Variants in LHFPL2 observed in about 807,000 individuals in gnomAD.
LHFPL2 encodes LHFPL tetraspan subfamily member 2.
LHFPL2 carries 7 observed loss-of-function variants against 17.5 expected under a neutral mutation model. The observed-to-expected ratio is 0.40, with a 90% CI of 0.23 to 0.75. The LOEUF (loss-of-function observed/expected upper bound fraction) is 0.75. Among genes scored for constraint, LHFPL2 ranks in the 30% least tolerant of loss-of-function variants. LHFPL2 has a pLI of 0.37. For missense variants in LHFPL2, 241 were observed against 294.8 expected (o/e 0.82, Z 1.34); for synonymous variants, 134 against 116.2 (o/e 1.15, Z -0.99).
intron 3 of LHFPL2, among the ~76,000 whole-genome samples, chr5:78,550,384 A>G (rs950184189): frequency 2.6e-5 from 4 of 152,278 alleles, no homozygotes; most frequent in African/African-American, 9.6e-5. Context: ...TCAGGCCGTT[A>G]TGAAGAGAGC....
At chr5:78,534,324 G>A (rs923263745) in intron 3 of LHFPL2, among the ~76,000 whole-genome samples, 1 of 152,180 alleles carries the variant, frequency 6.6e-6, no homozygotes, top group African/African-American at 2.4e-5. Flanking sequence ...ACGCCGAGAG[G>A]GAGAAATGGC....
intron 3 of LHFPL2, among the ~76,000 whole-genome samples, chr5:78,527,110 A>G (rs1755641851): frequency 6.6e-6 from 1 of 152,326 alleles, no homozygotes; most frequent in South Asian, 2.1e-4. Flanking sequence ...TCCTGCTTGA[A>G]GGAGAACTCC....
At chr5:78,584,247 A>C (rs1195553257) in intron 2 of LHFPL2, among the ~76,000 whole-genome samples, 1 of 151,956 alleles carries the variant, frequency 6.6e-6, no homozygotes, top group South Asian at 2.1e-4. Context: ...CGTAGCTCGG[A>C]GTAATTTGAT....
In LHFPL2 at chr5:78,494,511, G is replaced by A. The variant is rs187838707; in HGVS notation, c.431-5358C>T. ...CGTTAGCATCTGCTGGCAATGGGGG[G>A]ATCACATGATTCAACCTTATCTGTA... On this transcript the variant is annotated intron_variant, in intron 4 of 4. Transcript: ENST00000380345. The A allele has an allele frequency of 4.1e-6, 4 of 985,372 alleles. No homozygotes were observed. In the East Asian group the frequency reaches 4.5e-4, roughly 112 times the overall value. The allele number at this position is 985,372 out of a possible 1,614,324, so 61.0% of individuals were successfully genotyped here.
chr5:78,576,211 C>T (rs1463614429), intron 2 of LHFPL2, among the ~76,000 whole-genome samples: 1 of 151,842 alleles, frequency 6.6e-6, no homozygotes, highest in South Asian at 2.1e-4. Flanking sequence ...AGGAGAATGG[C>T]GTGAGCCCGG....
Position 78,509,774 on chromosome 5 carries a change from G to A in LHFPL2, c.430+10C>T. 1 of 1,604,080 alleles carries A rather than the reference G, an allele frequency of 6.2e-7. No homozygotes were observed. The highest frequency in any genetic ancestry group is 1.7e-4 in the Middle Eastern group (1 of 6,004). On this transcript the variant is annotated intron_variant, in intron 4 of 4. Coordinates refer to ENST00000380345, the MANE Select transcript of LHFPL2 (RefSeq NM_005779.3). ...TCCATCCCACCGTGCCCGGGGTCCT[G>A]CCTTCTTACCTGCAATTCCTTGCAA...
intron 2 of LHFPL2, among the ~76,000 whole-genome samples, chr5:78,566,353 T>G (rs935292073): frequency 6.6e-6 from 1 of 152,244 alleles, no homozygotes; most frequent in Non-Finnish European, 1.5e-5. Flanking sequence ...TCATTTTAGT[T>G]TAGTAATAAA....
intron 3 of LHFPL2, among the ~76,000 whole-genome samples, chr5:78,532,419 G>T (rs768544628): frequency 6.6e-6 from 1 of 152,176 alleles, no homozygotes; most frequent in East Asian, 1.9e-4. Context: ...AAAGCCTCCT[G>T]TGGTCATCCT....
chr5:78,643,461 C>G (rs973789890), intron 1 of LHFPL2, among the ~76,000 whole-genome samples: 4 of 152,086 alleles, frequency 2.6e-5, no homozygotes, highest in Non-Finnish European at 4.4e-5. Context: ...TCCTTCTTTG[C>G]CTTTCTAAGG....
chr5:78,552,190 G>A, intron 3 of LHFPL2, among the ~76,000 whole-genome samples: 1 of 150,118 alleles, frequency 6.7e-6, no homozygotes. Context: ...CTGGAGTGCA[G>A]TGGCGCGATC....
At position 78,599,637 on chromosome 5, in the gene LHFPL2, G is replaced by A. The variant is rs151097060; in HGVS notation, c.-245+32627C>T. Among the ~76,000 whole-genome samples, 301 of 152,052 alleles carry A rather than the reference G, an allele frequency of 2.0e-3. 1 individual carries two copies. Among genetic ancestry groups the A allele is most frequent in the African/African-American group, 6.8e-3 (282 of 41,500 alleles). Reference sequence around the variant, plus strand: ...TTCTACCAGGTAGAGCATTATTAATGGAGAGACTATCATGCCTACACACAG... The same window carrying A: ...TTCTACCAGGTAGAGCATTATTAATAGAGAGACTATCATGCCTACACACAG... On this transcript the variant is annotated intron_variant, in intron 2 of 4. Coordinates refer to ENST00000380345, the MANE Select transcript of LHFPL2 (RefSeq NM_005779.3).
intron 3 of LHFPL2, among the ~76,000 whole-genome samples, chr5:78,513,376 T>C (rs1011414656): frequency 5.9e-5 from 9 of 152,204 alleles, no homozygotes; most frequent in Admixed American, 5.2e-4. Flanking sequence ...ATTTCCTCAT[T>C]CACTGCACCA....
intron 3 of LHFPL2, among the ~76,000 whole-genome samples, chr5:78,554,621 G>A (rs1434733251): frequency 1.3e-5 from 2 of 152,194 alleles, no homozygotes; most frequent in African/African-American, 4.8e-5. Context: ...TACAGATAAG[G>A]GAAGGCAGAC....
chr5:78,503,126 G>A (rs2112309149), intron 4 of LHFPL2, among the ~76,000 whole-genome samples: 1 of 152,316 alleles, frequency 6.6e-6, no homozygotes, highest in Admixed American at 6.5e-5. Flanking sequence ...TATTTTTGAA[G>A]TGGCTTTATA....
intron 1 of LHFPL2, among the ~76,000 whole-genome samples, chr5:78,635,284 G>A (rs1295772940): frequency 6.6e-6 from 1 of 152,224 alleles, no homozygotes; most frequent in Non-Finnish European, 1.5e-5. Context: ...GAGAAAGCAT[G>A]CACTAATGCA....
chr5:78,594,922 G>A (rs1431346466), intron 2 of LHFPL2, among the ~76,000 whole-genome samples: 1 of 152,220 alleles, frequency 6.6e-6, no homozygotes, highest in African/African-American at 2.4e-5. Flanking sequence ...ACCATCTGAT[G>A]TGGCTAGCCT....
intron 2 of LHFPL2, among the ~76,000 whole-genome samples, chr5:78,565,988 GT>G (rs1756849736): frequency 6.6e-6 from 1 of 152,114 alleles, no homozygotes; most frequent in South Asian, 2.1e-4. Flanking sequence ...GGACTATAAG[GT>G]AACACTGTAT....
At chr5:78,554,717 C>T (rs1356782897) in intron 3 of LHFPL2, among the ~76,000 whole-genome samples, 2 of 152,178 alleles carry the variant, frequency 1.3e-5, no homozygotes, top group Non-Finnish European at 2.9e-5. Flanking sequence ...GGAAACTTTC[C>T]GTGTCACAGC....
chr5:78,584,813 C>G (rs529233088), intron 2 of LHFPL2, among the ~76,000 whole-genome samples: 1 of 152,252 alleles, frequency 6.6e-6, no homozygotes, highest in South Asian at 2.1e-4. Context: ...GGGCTCCACC[C>G]TGTTGGAGCT....
Sources: gnomAD v4.1 joint callset for allele counts (sites outside exome capture counted in the v4.1 genomes callset) on GRCh38, gnomAD v4.1.1 for gene constraint, MANE v1.5 for transcripts, NCBI Gene and HGNC (gene_info 2026-07-23, HGNC 2026-07-21) for gene names.